INSR: variants seen among roughly 807,000 people sequenced by gnomAD.
The protein encoded by INSR is IR.
In INSR, 67 loss-of-function variants were observed where a neutral mutation model predicts 142.6. That is an observed-to-expected ratio of 0.47 (90% CI 0.39 to 0.58). The LOEUF (loss-of-function observed/expected upper bound fraction) is 0.58, where lower values mean the gene tolerates loss of function less well. Among genes scored for constraint, INSR ranks in the 20% least tolerant of loss-of-function variants. The pLI is 0.00. For synonymous variants in INSR, 756 were observed against 743.1 expected, an observed-to-expected ratio of 1.02 and a Z score of -0.28; for missense variants, 1,248 against 1,833.2, an observed-to-expected ratio of 0.68 and a Z score of 5.83.
At chr19:7,246,600 A>G (rs1221619944) in intron 2 of INSR, among the ~76,000 whole-genome samples, 1 of 152,230 alleles carries the variant, frequency 6.6e-6, no homozygotes, top group Non-Finnish European at 1.5e-5. Context: ...ATTGTTGATT[A>G]AGCCATTACG....
rs1452780833 is a variant in INSR, at chr19:7,120,759, CA to C, written c.3530-11del. On this transcript the variant is annotated splice_polypyrimidine_tract_variant and intron_variant, in intron 19 of 21. Coordinates refer to ENST00000302850, the MANE Select transcript of INSR (RefSeq NM_000208.4). ...CTGGTCATTCCAAAGTCTGACAACA[CA>C]AAAGGTTCACACGCTCTTAACCTTC... 6.2e-7 allele frequency: 1 copy of C among 1,613,442 alleles called. No homozygotes were observed. The highest frequency in any genetic ancestry group is 1.3e-5 in the African/African-American group (1 of 74,886).
rs142021435 is a variant in INSR, at chr19:7,185,116, TC to T, written c.653-480del. 6.6e-3 allele frequency among the ~76,000 whole-genome samples: 1,011 copies of T among 152,274 alleles called. 5 individuals carry two copies. The highest frequency in any genetic ancestry group is 0.023 in the African/African-American group (950 of 41,546). The stretch of plus-strand genomic sequence containing the variant: ...CAACAGCACAAATAATAGGAAAACA[TC>T]GTATGATATTAGGAGGTGGTGAGTT... On this transcript the variant is annotated intron_variant, in intron 2 of 21. Transcript: ENST00000302850.
At position 7,267,209 on chromosome 19, in the gene INSR, G is replaced by C; in HGVS notation, c.652+136C>G. The C allele has an allele frequency of 1.2e-6, 1 of 869,368 alleles. No individual in the cohort carries two copies. Among genetic ancestry groups the C allele is most frequent in the East Asian group, 2.6e-5 (1 of 38,112 alleles). The allele number at this position is 869,368 out of a possible 1,614,324, so 53.9% of individuals were successfully genotyped here. On this transcript the variant is annotated intron_variant, in intron 2 of 21. Transcript: ENST00000302850. The surrounding 1 kb of genome is among the most constrained non-coding windows in gnomAD (Gnocchi z 6.3). ...TTACAGAAAATGTCTGCCACTCCCT[G>C]GGCTAGTGAATGCCACCACCCACTA...
In INSR at chr19:7,119,837, C is replaced by T. The variant is rs1188028603; in HGVS notation, c.3660-254G>A. Among the ~76,000 whole-genome samples, 1 of 97,988 alleles carries T rather than the reference C, an allele frequency of 1.0e-5. No individual in the cohort carries two copies. Among genetic ancestry groups the T allele is most frequent in the African/African-American group, 3.4e-5 (1 of 29,214 alleles). The allele number at this position is 97,988 out of a possible 152,430, so 64.3% of individuals were successfully genotyped here. Reference sequence around the variant, plus strand: ...ACACATATACACACACAAACACACACACCCAAACACACACACGCACACACA... The same window carrying T: ...ACACATATACACACACAAACACACATACCCAAACACACACACGCACACACA... On this transcript the variant is annotated intron_variant, in intron 20 of 21. Transcript: ENST00000302850. The surrounding 1 kb of genome is among the most constrained non-coding windows in gnomAD (Gnocchi z 5.2).
At chr19:7,180,438 G>A (rs1449657730) in intron 3 of INSR, among the ~76,000 whole-genome samples, 1 of 149,788 alleles carries the variant, frequency 6.7e-6, no homozygotes, top group Non-Finnish European at 1.5e-5. Context: ...GCTGTGGCAG[G>A]AGGATCTCTT....
At chr19:7,167,171 A>AT (rs1396678344) in intron 7 of INSR, among the ~76,000 whole-genome samples, 35 of 152,196 alleles carry the variant, frequency 2.3e-4, no homozygotes, top group African/African-American at 8.4e-4. Flanking sequence ...GGGATACTCA[A>AT]TCTGTAATAA....
chr19:7,235,868 A>AAT (rs1472858115), intron 2 of INSR, among the ~76,000 whole-genome samples: 3 of 152,036 alleles, frequency 2.0e-5, no homozygotes, highest in Non-Finnish European at 2.9e-5. Flanking sequence ...GATTGACAAT[A>AAT]AATATTAAGT....
rs925317467 is a variant in INSR at position 7,227,188 on chromosome 19, G to A, written c.652+40157C>T. 4.6e-5 allele frequency among the ~76,000 whole-genome samples: 7 copies of A among 152,038 alleles called. No individual in the cohort carries two copies. The East Asian group carries it at 1.2e-3, about 25-fold the overall frequency. ...AATAGGTTTGGTGTGAAAAATTAACGAATTCACTATTTGTTGCTGGACAGT... is the reference window on the plus strand; with the variant it reads ...AATAGGTTTGGTGTGAAAAATTAACAAATTCACTATTTGTTGCTGGACAGT... On this transcript the variant is annotated intron_variant, in intron 2 of 21. Transcript: ENST00000302850.
rs10706877 is a variant in INSR at position 7,204,220 on chromosome 19, T to TA, written c.653-19584dup. 1.5e-4 allele frequency among the ~76,000 whole-genome samples: 22 copies of TA among 150,830 alleles called. No homozygotes were observed. In the East Asian group the frequency reaches 1.9e-3, roughly 13 times the overall value. Reference sequence around the variant, plus strand: ...ACCATGCCCAACTAATTTTTTTTTTTAATTTTTTATTTTTAGTAGAGTTGG... The same window carrying TA: ...ACCATGCCCAACTAATTTTTTTTTTTAAATTTTTTATTTTTAGTAGAGTTGG... On this transcript the variant is annotated intron_variant, in intron 2 of 21. Transcript: ENST00000302850.
chr19:7,269,210 T>TA (rs11395249), intron 1 of INSR, among the ~76,000 whole-genome samples: 43,654 of 130,848 alleles, frequency 0.33, 6,858 homozygotes, highest in East Asian at 0.43. Context: ...GTAAATCCTC[T>TA]AAAAAAAAAA....
chr19:7,274,936 G>C (rs1453122621), intron 1 of INSR, among the ~76,000 whole-genome samples: 1 of 151,996 alleles, frequency 6.6e-6, no homozygotes, highest in Non-Finnish European at 1.5e-5. Context: ...GCTTCACCCA[G>C]GAAAGAATTC....
intron 13 of INSR, 35 bp downstream of exon 13, chr19:7,141,642 T>C (rs749861516): frequency 1.2e-6 from 2 of 1,613,392 alleles, no homozygotes; most frequent in Non-Finnish European, 1.7e-6. Context: ...CATGCTGAAG[T>C]GTGCAGGGGC....
Position 7,142,997 on chromosome 19 carries a change from G to A in INSR, c.2361C>T (p.Ser787=), listed in dbSNP as rs751613599. The change falls in exon 12 of 22, where the codon AGC becomes AGT. Residue 787 remains serine (S), a synonymous_variant. Coordinates refer to ENST00000302850, the MANE Select transcript of INSR (RefSeq NM_000208.4). The part of the protein sequence containing the change: ...VAAFPNTSST[S]VPTSPEEHRP... ...TGTGCTCCTCCGGACTCGTGGGCAC[G>A]CTGGTCGAGGAAGTGTTGGGGAAAG... 1.7e-5 allele frequency: 28 copies of A among 1,614,072 alleles called. No homozygotes were observed. The highest frequency in any genetic ancestry group is 5.0e-5 in the Admixed American group (3 of 59,996).
chr19:7,261,914 G>A (rs377469718), intron 2 of INSR, among the ~76,000 whole-genome samples: 4 of 152,116 alleles, frequency 2.6e-5, no homozygotes, highest in Non-Finnish European at 2.9e-5. Flanking sequence ...GATGTTGCTC[G>A]GAATTGCTTA....
intron 13 of INSR, 103 bp downstream of exon 13, chr19:7,141,574 A>G: frequency 6.6e-7 from 1 of 1,518,858 alleles, no homozygotes; most frequent in Non-Finnish European, 9.0e-7. Flanking sequence ...TGATGAGAGA[A>G]GCACTGGAAT....
intron 1 of INSR, among the ~76,000 whole-genome samples, chr19:7,282,841 C>T (rs1417156997): frequency 8.6e-5 from 13 of 151,490 alleles, no homozygotes; most frequent in African/African-American, 1.9e-4. Context: ...GGGGCAGTGG[C>T]GGGCGCCTGT....
chr19:7,268,745 GTTC>G, intron 1 of INSR: 3 of 310,870 alleles, frequency 9.7e-6, no homozygotes, highest in Non-Finnish European at 1.4e-5. Flanking sequence ...TGTTGTTGTT[GTTC>G]TTCTTGCTGT....
intron 2 of INSR, among the ~76,000 whole-genome samples, chr19:7,258,955 T>C (rs1976974060): frequency 6.9e-6 from 1 of 144,156 alleles, no homozygotes. Context: ...CTTCCTTCCT[T>C]CCTTCCCTCC....
chr19:7,118,942 A>G (rs949912690), intron 21 of INSR, among the ~76,000 whole-genome samples: 12 of 149,690 alleles, frequency 8.0e-5, no homozygotes, highest in Non-Finnish European at 1.8e-4. Flanking sequence ...AAAAAAAATT[A>G]ACAGGCAAAC....
Sources: allele counts gnomAD v4.1 joint callset (sites outside exome capture counted in the v4.1 genomes callset), GRCh38; gene constraint gnomAD v4.1.1; non-coding constraint Gnocchi (gnomAD v3.1); transcripts MANE v1.5; gene names NCBI Gene and HGNC (gene_info 2026-07-23, HGNC 2026-07-21).